LRRC52: variants seen among roughly 807,000 people sequenced by gnomAD.
LRRC52 encodes leucine rich repeat containing 52.
A neutral mutation model predicts 14.7 loss-of-function variants in LRRC52; 15 were observed. The ratio of observed to expected loss-of-function variants is 1.02; its 90% CI spans 0.68 to 1.58. The LOEUF (loss-of-function observed/expected upper bound fraction) is 1.58, where lower values mean the gene tolerates loss of function less well. Among genes scored for constraint, LRRC52 ranks in the 40% most tolerant of loss-of-function variants. LRRC52 has a pLI of 0.00. For missense variants in LRRC52, 400 were observed against 387.7 expected, an observed-to-expected ratio of 1.03 and a Z score of -0.27; for synonymous variants, 180 against 163.9, an observed-to-expected ratio of 1.10 and a Z score of -0.75.
intron 1 of LRRC52, among the ~76,000 whole-genome samples, chr1:165,548,762 G>A (rs1661073553): frequency 6.6e-6 from 1 of 152,172 alleles, no homozygotes. Context: ...AAAATGAAAT[G>A]AGAACATTTA....
At chr1:165,552,760 C>G (rs285431) in intron 1 of LRRC52, among the ~76,000 whole-genome samples, 147,455 of 152,308 alleles carry the variant, frequency 0.97, 71,561 homozygotes, top group East Asian at 1. Context: ...AGCTCTATGA[C>G]AGCAGATCTG....
At chr1:165,556,240 A>T (rs1275143093) in intron 1 of LRRC52, among the ~76,000 whole-genome samples, 1 of 152,254 alleles carries the variant, frequency 6.6e-6, no homozygotes, top group East Asian at 1.9e-4. Flanking sequence ...GCAACCAGTT[A>T]TACACGAGAC....
chr1:165,554,940 T>C (rs897542621), intron 1 of LRRC52, among the ~76,000 whole-genome samples: 2 of 152,240 alleles, frequency 1.3e-5, no homozygotes, highest in Non-Finnish European at 2.9e-5. Flanking sequence ...ACAGGCATTG[T>C]CATCCCTATT....
At chr1:165,548,529 G>A (rs557919301) in intron 1 of LRRC52, among the ~76,000 whole-genome samples, 1 of 152,304 alleles carries the variant, frequency 6.6e-6, no homozygotes, top group South Asian at 2.1e-4. Context: ...ACAGGCACTT[G>A]GGGCAGCCAC....
intron 1 of LRRC52, among the ~76,000 whole-genome samples, chr1:165,559,751 C>T (rs1258972406): frequency 6.6e-6 from 1 of 152,150 alleles, no homozygotes; most frequent in African/African-American, 2.4e-5. Context: ...TTTCTAGTCA[C>T]AAAAACATCA....
chr1:165,558,100 G>A (rs1661275079), intron 1 of LRRC52, among the ~76,000 whole-genome samples: 1 of 152,182 alleles, frequency 6.6e-6, no homozygotes, highest in African/African-American at 2.4e-5. Context: ...TACACTAATA[G>A]GTGTGGTTCC....
chr1:165,563,391 C>A (rs891974548), intron 1 of LRRC52, 114 bp from the exon 2 acceptor site: 15 of 899,122 alleles, frequency 1.7e-5, no homozygotes, highest in Middle Eastern at 6.7e-4. Flanking sequence ...TGCTGGCCCA[C>A]AGACCACACT....
chr1:165,549,411 A>T (rs563868083), intron 1 of LRRC52, among the ~76,000 whole-genome samples: 1 of 152,208 alleles, frequency 6.6e-6, no homozygotes, highest in Non-Finnish European at 1.5e-5. Context: ...TTTTGCCCCA[A>T]TGTGTCCCTA....
chr1:165,556,118 T>C (rs1400517199), intron 1 of LRRC52, among the ~76,000 whole-genome samples: 2 of 152,382 alleles, frequency 1.3e-5, no homozygotes, highest in South Asian at 2.1e-4. Context: ...TGTTATTTTA[T>C]TGGTGAAATG....
chr1:165,554,908 C>T (rs888809502), intron 1 of LRRC52, among the ~76,000 whole-genome samples: 1 of 152,236 alleles, frequency 6.6e-6, no homozygotes. Flanking sequence ...GCTTTGGTCA[C>T]AGCATTTGGC....
At chr1:165,553,349 G>A (rs1661173071) in intron 1 of LRRC52, among the ~76,000 whole-genome samples, 1 of 152,198 alleles carries the variant, frequency 6.6e-6, no homozygotes, top group Non-Finnish European at 1.5e-5. Flanking sequence ...ATCAGATTTA[G>A]CACCAGGGAT....
chr1:165,551,471 G>A (rs1223898183), intron 1 of LRRC52, among the ~76,000 whole-genome samples: 2 of 152,204 alleles, frequency 1.3e-5, no homozygotes, highest in Non-Finnish European at 2.9e-5. Context: ...CCCTCAGGGA[G>A]CATTTGCAAT....
chr1:165,550,657 T>C (rs1661113159), intron 1 of LRRC52, among the ~76,000 whole-genome samples: 1 of 152,162 alleles, frequency 6.6e-6, no homozygotes, highest in South Asian at 2.1e-4. Context: ...TTCTTTGCTG[T>C]CAAGCACATC....
At chr1:165,549,565 A>G (rs1450109600) in intron 1 of LRRC52, among the ~76,000 whole-genome samples, 1 of 152,242 alleles carries the variant, frequency 6.6e-6, no homozygotes, top group Non-Finnish European at 1.5e-5. Flanking sequence ...AGCCTTTATC[A>G]GCTCTCATAT....
chr1:165,563,940 T>C lies in LRRC52; in HGVS notation c.*116T>C. 1 of 1,143,878 alleles carries C rather than the reference T, an allele frequency of 8.7e-7. No homozygotes were observed. The highest frequency in any genetic ancestry group is 1.2e-6 in the Non-Finnish European group (1 of 806,584). 70.9% of individuals were successfully genotyped at this position (1,143,878 alleles called of 1,614,324 possible). On this transcript the variant is annotated 3_prime_UTR_variant, in exon 2 of 2. Transcript: ENST00000294818. ...GATTGAAACCTTCTAGTAAAATAAA[T>C]AAAATCTCTGATGGCCATTTCACAG...
chr1:165,544,229 C>CCCCCCCCCAAG lies in LRRC52; in HGVS notation c.-68_-67insCCCCCCCCAAG. 1.4e-6 allele frequency: 2 copies of CCCCCCCCCAAG among 1,476,566 alleles called. No homozygotes were observed. Among genetic ancestry groups the CCCCCCCCCAAG allele is most frequent in the Non-Finnish European group, 9.1e-7 (1 of 1,101,696 alleles). 91.5% of individuals were successfully genotyped at this position (1,476,566 alleles called of 1,614,324 possible). A position where few individuals can be genotyped will look rare whatever the true frequency, so the allele number is the denominator to read the frequency against. On this transcript the variant is annotated 5_prime_UTR_variant, in exon 1 of 2. Coordinates refer to ENST00000294818, the MANE Select transcript of LRRC52 (RefSeq NM_001005214.4). Reference sequence around the variant, plus strand: ...CCCCTCCCCCGCCCCACCCCCCCACCGGCAGCCTTCGGATCAGAGGACAGA... The same window carrying CCCCCCCCCAAG: ...CCCCTCCCCCGCCCCACCCCCCCACCCCCCCCCCAAGGGCAGCCTTCGGATCAGAGGACAGA...
intron 1 of LRRC52, among the ~76,000 whole-genome samples, chr1:165,548,916 G>A (rs1307263760): frequency 6.6e-6 from 1 of 152,188 alleles, no homozygotes; most frequent in Non-Finnish European, 1.5e-5. Flanking sequence ...GTGGACTTCA[G>A]GAAGGCTCAG....
intron 1 of LRRC52, among the ~76,000 whole-genome samples, 156 bp downstream of exon 1, chr1:165,545,074 T>G (rs893885057): frequency 2.0e-5 from 3 of 151,944 alleles, no homozygotes; most frequent in Non-Finnish European, 4.4e-5. Context: ...TTGACTGGAG[T>G]AGCAGTAAGA....
chr1:165,555,224 A>G (rs1432513480), intron 1 of LRRC52, among the ~76,000 whole-genome samples: 2 of 152,132 alleles, frequency 1.3e-5, no homozygotes, highest in East Asian at 1.9e-4. Context: ...AACAAGGCAG[A>G]TACTTCAGGC....
Sources: allele counts gnomAD v4.1 joint callset (sites outside exome capture counted in the v4.1 genomes callset), GRCh38; gene constraint gnomAD v4.1.1; transcripts MANE v1.5; gene names NCBI Gene and HGNC (gene_info 2026-07-23, HGNC 2026-07-21).